The following PCLO variants were observed in gnomAD, a reference collection of about 807,000 sequenced individuals.
The protein encoded by PCLO is protein piccolo.
Under a neutral mutation model 427.5 loss-of-function variants are expected in PCLO, and 82 were observed. The ratio of observed to expected loss-of-function variants is 0.19; its 90% confidence interval spans 0.16 to 0.23. PCLO has a LOEUF of 0.23. Ranked by LOEUF, PCLO falls within the 10% of genes least tolerant of loss-of-function variation. The pLI is 1.00. For synonymous variants in PCLO, 2,357 were observed against 2,155.4 expected, an observed-to-expected ratio of 1.09 and a Z score of -2.59; for missense variants, 6,239 against 6,115.9, an observed-to-expected ratio of 1.02 and a Z score of -0.67.
At chr7:83,093,807 A>T (rs1314586812) in intron 3 of PCLO, among the ~76,000 whole-genome samples, 4 of 40,542 alleles carry the variant, frequency 9.9e-5, no homozygotes, top group Admixed American at 3.1e-4. Context: ...CAAATATTAA[A>T]AAAAAAAAAA....
At position 82,953,419 on chromosome 7, in the gene PCLO, G is replaced by C; in HGVS notation, c.7534C>G (p.Pro2512Ala). The C allele has an allele frequency of 6.2e-7, 1 of 1,613,512 alleles. No individual in the cohort carries two copies. Residue 2512 changes from proline (P) to alanine (A), a missense_variant, in exon 5 of 25, where the codon CCC (proline) becomes GCC (alanine). Physicochemically the swap from Pro to Ala is conservative, Grantham distance 27. Transcript: ENST00000333891. The stretch of plus-strand genomic sequence containing the variant: ...GGAAGCTGAGGAATCACTGGTTTGG[G>C]GGCGATTGGAGGTTTGCTTGGCTCA... ...RPEPSKPPIAPKPVIPQLPTT... is the reference protein window; with the variant it reads ...RPEPSKPPIAAKPVIPQLPTT...
chr7:83,059,882 A>T (rs1332599785), intron 3 of PCLO, among the ~76,000 whole-genome samples: 1 of 152,184 alleles, frequency 6.6e-6, no homozygotes, highest in Non-Finnish European at 1.5e-5. Flanking sequence ...GTCCTTTAGA[A>T]GTGTGCTGAG....
intron 22 of PCLO, among the ~76,000 whole-genome samples, chr7:82,783,746 T>G (rs1790925423): frequency 6.6e-6 from 1 of 151,442 alleles, no homozygotes; most frequent in Admixed American, 6.6e-5. Context: ...ACATAAAGAA[T>G]ATATCATAAG....
At chr7:82,984,434 G>A (rs977403684) in intron 3 of PCLO, among the ~76,000 whole-genome samples, 3 of 151,344 alleles carry the variant, frequency 2.0e-5, no homozygotes, top group Middle Eastern at 6.8e-3. Flanking sequence ...GTGTGTGTGT[G>A]TGTGTGTGTG....
intron 3 of PCLO, among the ~76,000 whole-genome samples, chr7:83,104,040 C>A (rs1372392831): frequency 6.6e-6 from 1 of 151,916 alleles, no homozygotes; most frequent in Non-Finnish European, 1.5e-5. Context: ...ACATTGAGAA[C>A]CTCTTGACAT....
At chr7:83,123,156 G>C (rs1198404075) in intron 3 of PCLO, among the ~76,000 whole-genome samples, 1 of 151,994 alleles carries the variant, frequency 6.6e-6, no homozygotes, top group African/African-American at 2.4e-5. Context: ...AAAAGACCAA[G>C]AATAGCCAAA....
At chr7:82,773,540 T>C (rs1440139689) in intron 22 of PCLO, among the ~76,000 whole-genome samples, 2 of 152,208 alleles carry the variant, frequency 1.3e-5, no homozygotes, top group Non-Finnish European at 2.9e-5. Context: ...TAACTGACTG[T>C]CTGGTTTTAT....
At chr7:83,073,681 A>C (rs1162839149) in intron 3 of PCLO, among the ~76,000 whole-genome samples, 1 of 151,986 alleles carries the variant, frequency 6.6e-6, no homozygotes, top group Admixed American at 6.6e-5. Flanking sequence ...GTATTACTGT[A>C]ATGCAACTAC....
intron 8 of PCLO, among the ~76,000 whole-genome samples, chr7:82,908,381 T>A (rs1794242066): frequency 6.6e-6 from 1 of 152,070 alleles, no homozygotes; most frequent in African/African-American, 2.4e-5. Flanking sequence ...AATTCAAAAA[T>A]ACATAACAAA....
At chr7:82,890,423 A>G (rs1793730627) in intron 9 of PCLO, among the ~76,000 whole-genome samples, 1 of 151,656 alleles carries the variant, frequency 6.6e-6, no homozygotes, top group African/African-American at 2.4e-5. Context: ...CAAGGACTGT[A>G]CCACAGACTT....
intron 3 of PCLO, among the ~76,000 whole-genome samples, chr7:83,093,477 G>GTGTGTGTGTGTGTGTGTGT (rs1209162419): frequency 1.1e-5 from 1 of 92,190 alleles, no homozygotes; most frequent in African/African-American, 4.4e-5. Context: ...TGTGTGTATA[G>GTGTGTGTGTGTGTGTGTGT]ATATATATAT....
rs79412331 is a variant in PCLO, at chr7:82,930,348, T to A, written c.11113-13475A>T. On this transcript the variant is annotated intron_variant, in intron 6 of 24. Transcript: ENST00000333891. The stretch of plus-strand genomic sequence containing the variant: ...AACTACAGAGTGATATAACAGACCA[T>A]CTAGGGCCTTGAATGTCATGCAAAT... Among the ~76,000 whole-genome samples the A allele has an allele frequency of 7.2e-3, 1,101 of 152,196 alleles. 11 individuals are homozygous for A. The highest frequency in any genetic ancestry group is 0.025 in the African/African-American group (1,059 of 41,546).
chr7:83,015,267 T>C (rs41598), intron 3 of PCLO, among the ~76,000 whole-genome samples: 42,331 of 151,906 alleles, frequency 0.28, 6,391 homozygotes, highest in Middle Eastern at 0.45. Context: ...TTTAAATGTC[T>C]CAACAGTTCT....
At chr7:82,794,466 T>G (rs1214625051) in intron 22 of PCLO, among the ~76,000 whole-genome samples, 13 of 72,558 alleles carry the variant, frequency 1.8e-4, no homozygotes, top group African/African-American at 3.7e-4. Flanking sequence ...TTTCTTTTTT[T>G]TTTTTTTTTT....
rs148182798 is a variant in PCLO at position 82,858,628 on chromosome 7, A to C, written c.13655-11381T>G. ...GTTACAGGATATAAAATCAACAACAAAAATCAGCCTATACTATACTCAGCT... is the reference window on the plus strand; with the variant it reads ...GTTACAGGATATAAAATCAACAACACAAATCAGCCTATACTATACTCAGCT... On this transcript the variant is annotated intron_variant, in intron 10 of 24. Coordinates refer to ENST00000333891, the MANE Select transcript of PCLO (RefSeq NM_033026.6). Among the ~76,000 whole-genome samples the C allele has an allele frequency of 7.4e-4, 113 of 152,298 alleles. 4 individuals are homozygous for C. Among genetic ancestry groups the C allele is most frequent in the Admixed American group, 6.4e-3 (98 of 15,290 alleles).
chr7:83,040,720 C>A (rs1371883217), intron 3 of PCLO, among the ~76,000 whole-genome samples: 2 of 152,088 alleles, frequency 1.3e-5, no homozygotes, highest in Admixed American at 1.3e-4. Context: ...CTGAACTTCT[C>A]CATACTCTAT....
chr7:82,777,938 G>C (rs1790788189), intron 22 of PCLO, among the ~76,000 whole-genome samples: 1 of 152,064 alleles, frequency 6.6e-6, no homozygotes, highest in South Asian at 2.1e-4. Flanking sequence ...GAAAACTAAA[G>C]AGATTCTAAA....
At chr7:83,030,455 T>C (rs1030519843) in intron 3 of PCLO, among the ~76,000 whole-genome samples, 1 of 152,218 alleles carries the variant, frequency 6.6e-6, no homozygotes, top group African/African-American at 2.4e-5. Flanking sequence ...AAGTGTCTTC[T>C]AAAAACAATA....
intron 13 of PCLO, among the ~76,000 whole-genome samples, chr7:82,843,201 C>T (rs1243781525): frequency 6.6e-6 from 1 of 152,058 alleles, no homozygotes; most frequent in Non-Finnish European, 1.5e-5. Context: ...TACATATACA[C>T]AACAGAATAT....
Sources: allele counts gnomAD v4.1 joint callset (sites outside exome capture counted in the v4.1 genomes callset), GRCh38; gene constraint gnomAD v4.1.1; transcripts MANE v1.5; gene names NCBI Gene and HGNC (gene_info 2026-07-23, HGNC 2026-07-21).